Variants in ROCK1 observed in about 807,000 individuals in gnomAD.
ROCK1 encodes Rho associated coiled-coil containing protein kinase 1, also known as rho-associated protein kinase 1.
ROCK1 carries 36 observed loss-of-function variants against 196.8 expected under a neutral mutation model. That is an observed-to-expected ratio of 0.18 (90% CI 0.14 to 0.24). The LOEUF (loss-of-function observed/expected upper bound fraction) is 0.24. Among genes scored for constraint, ROCK1 ranks in the 10% least tolerant of loss-of-function variants. The pLI, the probability that ROCK1 is intolerant of heterozygous loss-of-function variation, is 1.00. For missense variants in ROCK1, 920 were observed against 1,562.0 expected, an observed-to-expected ratio of 0.59 and a Z score of 6.93; for synonymous variants, 443 against 515.9, an observed-to-expected ratio of 0.86 and a Z score of 1.91.
At chr18:20,956,292 A>G (rs888144710) in intron 29 of ROCK1, among the ~76,000 whole-genome samples, 3 of 152,242 alleles carry the variant, frequency 2.0e-5, no homozygotes, top group African/African-American at 7.2e-5. Flanking sequence ...TGTATATTTA[A>G]AATTGTCTCT....
At chr18:21,065,273 G>A (rs2036324366) in intron 2 of ROCK1, among the ~76,000 whole-genome samples, 1 of 152,018 alleles carries the variant, frequency 6.6e-6, no homozygotes, top group Non-Finnish European at 1.5e-5. Context: ...CAACTGTACT[G>A]TATGCTTTTA....
intron 1 of ROCK1, among the ~76,000 whole-genome samples, chr18:21,097,578 T>C (rs1212869313): frequency 6.6e-6 from 1 of 152,224 alleles, no homozygotes. Context: ...AGGTAACTTG[T>C]CCAAGATTAC....
intron 32 of ROCK1, among the ~76,000 whole-genome samples, chr18:20,952,444 A>G (rs2035198545): frequency 6.6e-6 from 1 of 151,016 alleles, no homozygotes; most frequent in Admixed American, 6.6e-5. Flanking sequence ...ATAATTGTTT[A>G]TCATGGCATA....
intron 2 of ROCK1, among the ~76,000 whole-genome samples, chr18:21,068,224 T>C (rs2036354315): frequency 6.6e-6 from 1 of 152,098 alleles, no homozygotes; most frequent in African/African-American, 2.4e-5. Context: ...TGATGATCTA[T>C]TTTGAGTTAA....
In ROCK1 at chr18:21,111,566, G is replaced by T; in HGVS notation, c.-656C>A. The T allele has an allele frequency of 6.1e-6, 1 of 164,586 alleles. No individual in the cohort carries two copies. The highest frequency in any genetic ancestry group is 1.3e-5 in the Non-Finnish European group (1 of 76,724). 10.2% of individuals were successfully genotyped at this position (164,586 alleles called of 1,614,324 possible). A position where few individuals can be genotyped will look rare whatever the true frequency, so the allele number is the denominator to read the frequency against. On this transcript the variant is annotated 5_prime_UTR_variant, in exon 1 of 33. Transcript: ENST00000399799. This position sits in a 1 kb window ranked among gnomAD's most constrained non-coding sequence, Gnocchi z 4.2. ...GCTGGGGCTGCTGCTACGGTGTCCG[G>T]TGGGGCAGGGCGAGGTCGATGCCCG...
intron 1 of ROCK1, among the ~76,000 whole-genome samples, chr18:21,081,574 C>T (rs1351090069): frequency 6.6e-6 from 1 of 151,768 alleles, no homozygotes; most frequent in Admixed American, 6.6e-5. Flanking sequence ...CCAATGTGAC[C>T]CAAAGTAGGT....
At chr18:20,974,095 T>C (rs1162960605) in intron 22 of ROCK1, among the ~76,000 whole-genome samples, 1 of 152,170 alleles carries the variant, frequency 6.6e-6, no homozygotes, top group Non-Finnish European at 1.5e-5. Flanking sequence ...AATCACTTTC[T>C]CTTTCTTGAA....
At chr18:21,077,464 G>A (rs1266941774) in intron 1 of ROCK1, among the ~76,000 whole-genome samples, 2 of 152,128 alleles carry the variant, frequency 1.3e-5, no homozygotes, top group Non-Finnish European at 2.9e-5. Context: ...GGCAGGAAAA[G>A]CAGCTGGTGC....
chr18:21,054,389 T>C (rs2036229853), intron 2 of ROCK1, among the ~76,000 whole-genome samples: 1 of 152,166 alleles, frequency 6.6e-6, no homozygotes, highest in African/African-American at 2.4e-5. Flanking sequence ...GTGGGTGAGA[T>C]TTGGCCTGTG....
intron 17 of ROCK1, 53 bp downstream of exon 17, chr18:20,992,778 T>C: frequency 1.9e-6 from 2 of 1,042,766 alleles, no homozygotes; most frequent in South Asian, 2.8e-5. Flanking sequence ...TAGTAGTCTA[T>C]GATAATCAGT....
intron 9 of ROCK1, among the ~76,000 whole-genome samples, chr18:21,038,160 G>T (rs2036073127): frequency 6.6e-6 from 1 of 152,108 alleles, no homozygotes. Flanking sequence ...AACACAAAAA[G>T]TGTTTTGATG....
intron 12 of ROCK1, among the ~76,000 whole-genome samples, chr18:21,017,337 G>A (rs1225719065): frequency 5.9e-5 from 9 of 151,592 alleles, no homozygotes; most frequent in East Asian, 4.0e-4. Context: ...GACTACAGGC[G>A]CCCGCCACCG....
intron 1 of ROCK1, among the ~76,000 whole-genome samples, chr18:21,109,479 A>G (rs2036731006): frequency 6.6e-6 from 1 of 152,230 alleles, no homozygotes; most frequent in African/African-American, 2.4e-5. Context: ...AGTTATAGAA[A>G]TCCTTACTAC....
rs59499705 is a variant in ROCK1, at chr18:21,078,341, T to TACAC, written c.94-7732_94-7729dup. On this transcript the variant is annotated intron_variant, in intron 1 of 32. Transcript: ENST00000399799. Reference sequence around the variant, plus strand: ...AAGACTCTATCTCAAAACACCCACCTACACACACACACACACACACACACA... The same window carrying TACAC: ...AAGACTCTATCTCAAAACACCCACCTACACACACACACACACACACACACACACA... Among the ~76,000 whole-genome samples the TACAC allele has an allele frequency of 6.6e-3, 855 of 128,780 alleles. 12 individuals are homozygous for TACAC. The highest frequency in any genetic ancestry group is 0.023 in the African/African-American group (747 of 32,172). 84.5% of individuals were successfully genotyped at this position (128,780 alleles called of 152,430 possible).
intron 2 of ROCK1, among the ~76,000 whole-genome samples, chr18:21,068,074 C>T (rs1275453494): frequency 2.0e-5 from 3 of 152,070 alleles, no homozygotes; most frequent in South Asian, 2.1e-4. Context: ...TTTTAAATTT[C>T]GATAAGTCTA....
At chr18:20,971,931 G>A (rs2035433008) in intron 22 of ROCK1, among the ~76,000 whole-genome samples, 1 of 152,100 alleles carries the variant, frequency 6.6e-6, no homozygotes, top group African/African-American at 2.4e-5. Context: ...GTAGGGGGAA[G>A]AGAACAACAG....
chr18:21,104,327 G>A (rs545053147), intron 1 of ROCK1, among the ~76,000 whole-genome samples: 78 of 152,238 alleles, frequency 5.1e-4, no homozygotes, highest in African/African-American at 1.6e-3. Flanking sequence ...GGCAGGGTGC[G>A]GCGCTCATGC....
chr18:20,972,965 C>T (rs1371935020), intron 22 of ROCK1, among the ~76,000 whole-genome samples: 1 of 152,118 alleles, frequency 6.6e-6, no homozygotes, highest in East Asian at 1.9e-4. Context: ...CTGCAAACTC[C>T]GCCTCCTGGG....
Position 20,948,127 on chromosome 18 carries a change from A to AT in ROCK1, c.*3256dup, listed in dbSNP as rs1324112204. On this transcript the variant is annotated 3_prime_UTR_variant, in exon 33 of 33. Coordinates refer to ENST00000399799, the MANE Select transcript of ROCK1 (RefSeq NM_005406.3). Reference sequence around the variant, plus strand: ...CTTCGTTTCAAAACAAAAATAAAAAATTATATGGAAATGCAAAAGGCCAAG... The same window carrying AT: ...CTTCGTTTCAAAACAAAAATAAAAAATTTATATGGAAATGCAAAAGGCCAAG... 11 of 152,380 alleles carry AT rather than the reference A, an allele frequency of 7.2e-5. No homozygotes were observed. Among genetic ancestry groups the AT allele is most frequent in the Non-Finnish European group, 1.5e-4 (10 of 68,064 alleles). 9.4% of individuals were successfully genotyped at this position (152,380 alleles called of 1,614,324 possible).
Sources: allele counts gnomAD v4.1 joint callset (sites outside exome capture counted in the v4.1 genomes callset), GRCh38; gene constraint gnomAD v4.1.1; non-coding constraint Gnocchi (gnomAD v3.1); transcripts MANE v1.5; gene names NCBI Gene and HGNC (gene_info 2026-07-23, HGNC 2026-07-21).